The following GLDC variants were observed in gnomAD, a reference collection of about 807,000 sequenced individuals.
GLDC encodes glycine dehydrogenase (decarboxylating), mitochondrial.
A neutral mutation model predicts 121.3 loss-of-function variants in GLDC; 104 were observed. The observed-to-expected ratio is 0.86, with a 90% confidence interval of 0.73 to 1.01. GLDC has a LOEUF of 1.01. Among genes scored for constraint, GLDC ranks in the 50% least tolerant of loss-of-function variants. GLDC has a pLI of 0.00. For synonymous variants in GLDC, 546 were observed against 480.6 expected (o/e 1.14, Z -1.78); for missense variants, 1,429 against 1,306.6 (o/e 1.09, Z -1.44).
chr9:6,615,322 G>A (rs1441240567), intron 3 of GLDC, among the ~76,000 whole-genome samples: 2 of 151,972 alleles, frequency 1.3e-5, no homozygotes, highest in Non-Finnish European at 2.9e-5. Flanking sequence ...GCCAGGTGTG[G>A]TGGCTCACAC....
intron 21 of GLDC, among the ~76,000 whole-genome samples, chr9:6,549,884 C>T (rs1433181454): frequency 6.6e-6 from 1 of 152,128 alleles, no homozygotes; most frequent in Non-Finnish European, 1.5e-5. Flanking sequence ...CCCTACCCTC[C>T]CCTGCTCAAA....
At chr9:6,622,016 G>A (rs928891610) in intron 2 of GLDC, among the ~76,000 whole-genome samples, 9 of 152,208 alleles carry the variant, frequency 5.9e-5, no homozygotes, top group African/African-American at 1.9e-4. Context: ...AGAGAAAAAC[G>A]TAGGTAAAGC....
At chr9:6,611,764 T>C (rs1046884632) in intron 3 of GLDC, among the ~76,000 whole-genome samples, 7 of 152,224 alleles carry the variant, frequency 4.6e-5, no homozygotes, top group African/African-American at 1.7e-4. Flanking sequence ...TCGTATATCT[T>C]GTGCCTGTCT....
intron 18 of GLDC, 122 bp downstream of exon 18, chr9:6,556,031 T>G: frequency 1.4e-6 from 1 of 718,900 alleles, no homozygotes; most frequent in Admixed American, 2.3e-5. Flanking sequence ...CAACCACCAG[T>G]GGTCAGGTCG....
At chr9:6,632,972 G>A (rs945730950) in intron 2 of GLDC, among the ~76,000 whole-genome samples, 3 of 151,708 alleles carry the variant, frequency 2.0e-5, no homozygotes, top group Non-Finnish European at 2.9e-5. Flanking sequence ...GATGCTCTCA[G>A]CAGACCCTCC....
At chr9:6,630,701 G>A (rs1001099841) in intron 2 of GLDC, among the ~76,000 whole-genome samples, 2 of 152,200 alleles carry the variant, frequency 1.3e-5, no homozygotes, top group Admixed American at 6.5e-5. Context: ...GAACCATGGG[G>A]TGGGGCTGGG....
chr9:6,620,994 C>T (rs536427424), intron 2 of GLDC, among the ~76,000 whole-genome samples: 1 of 152,058 alleles, frequency 6.6e-6, no homozygotes, highest in Admixed American at 6.6e-5. Context: ...GCGGTGAAAC[C>T]CCGTCTCTAC....
intron 18 of GLDC, 51 bp downstream of exon 18, chr9:6,556,102 A>C: frequency 6.7e-7 from 1 of 1,502,172 alleles, no homozygotes. Context: ...TTTTTTTTCC[A>C]CATATCCATT....
rs751362463 is a variant in GLDC, at chr9:6,589,205, C to T, written c.1570G>A (p.Val524Met). Residue 524 changes from valine to methionine, a missense_variant, in exon 12 of 25, where the codon GTG becomes ATG. Val to Met is a conservative substitution (Grantham distance 21). Coordinates refer to ENST00000321612, the MANE Select transcript of GLDC (RefSeq NM_000170.3). The part of the protein sequence containing the change: ...KRTSPFLTHQ[V>M]FNSYHSETNI... Reference sequence around the variant, plus strand: ...ACAAGACACACAAACCTGTTGAACACTTGATGGGTGAGGAACGGGCTGGTC... The same window carrying T: ...ACAAGACACACAAACCTGTTGAACATTTGATGGGTGAGGAACGGGCTGGTC... 2.5e-6 allele frequency: 4 copies of T among 1,593,340 alleles called. No homozygotes were observed. Among genetic ancestry groups the T allele is most frequent in the Non-Finnish European group, 3.4e-6 (4 of 1,161,090 alleles).
intron 2 of GLDC, among the ~76,000 whole-genome samples, chr9:6,620,713 T>A (rs1426394650): frequency 6.6e-6 from 1 of 152,222 alleles, no homozygotes; most frequent in Admixed American, 6.5e-5. Context: ...AACTGCCTCA[T>A]ACTCTCTGGA....
rs1819707774 is a variant in GLDC at position 6,644,873 on chromosome 9, G to T, written c.256-181C>A. On this transcript the variant is annotated intron_variant, in intron 1 of 24. Coordinates refer to ENST00000321612, the MANE Select transcript of GLDC (RefSeq NM_000170.3). Reference sequence around the variant, plus strand: ...TTGGAGGAAAGAAAATCGTGAAGTGGGGTGGAGATTCCGCCACTCGGGGTT... The same window carrying T: ...TTGGAGGAAAGAAAATCGTGAAGTGTGGTGGAGATTCCGCCACTCGGGGTT... 7 of 647,368 alleles carry T rather than the reference G, an allele frequency of 1.1e-5. No homozygotes were observed. In the Middle Eastern group the frequency reaches 1.2e-3, roughly 113 times the overall value. The allele number at this position is 647,368 out of a possible 1,614,324, so 40.1% of individuals were successfully genotyped here.
intron 8 of GLDC, among the ~76,000 whole-genome samples, chr9:6,601,521 AT>A (rs143542868): frequency 0.023 from 3,562 of 152,132 alleles, 136 homozygotes; most frequent in African/African-American, 0.081. Flanking sequence ...AATGCTTTTT[AT>A]TTTTTTTAGT....
chr9:6,598,407 A>T (rs1043881282), intron 8 of GLDC, among the ~76,000 whole-genome samples: 3 of 152,198 alleles, frequency 2.0e-5, no homozygotes, highest in African/African-American at 7.2e-5. Context: ...AAATTTATTT[A>T]AAAAAGAATC....
rs1817120329 is a variant in GLDC, at chr9:6,536,080, C to G, written c.2822G>C (p.Arg941Thr). Residue 941 changes from arginine to threonine, a missense_variant, in exon 23 of 25, where the codon AGG (arginine) becomes ACG (threonine). Coordinates refer to ENST00000321612, the MANE Select transcript of GLDC (RefSeq NM_000170.3). The part of the protein sequence containing the change: ...ADIEEGRIDP[R>T]VNPLKMSPHS... Reference sequence around the variant, plus strand: ...CCTACGCACCTTCAGCGGATTGACCCTGGGGTCGATGCGGCCCTCCTCAAT... The same window carrying G: ...CCTACGCACCTTCAGCGGATTGACCGTGGGGTCGATGCGGCCCTCCTCAAT... 6 of 1,613,794 alleles carry G rather than the reference C, an allele frequency of 3.7e-6. No homozygotes were observed. Among genetic ancestry groups the G allele is most frequent in the Admixed American group, 1.7e-5 (1 of 60,018 alleles).
At chr9:6,579,371 ATCT>A (rs1818131545) in intron 15 of GLDC, among the ~76,000 whole-genome samples, 1 of 152,078 alleles carries the variant, frequency 6.6e-6, no homozygotes, top group Non-Finnish European at 1.5e-5. Flanking sequence ...CAAATGCTGA[ATCT>A]TCTGAATCTG....
chr9:6,575,973 G>C (rs1295040539), intron 15 of GLDC, among the ~76,000 whole-genome samples: 2 of 152,154 alleles, frequency 1.3e-5, no homozygotes, highest in Admixed American at 1.3e-4. Context: ...GGGGTTTATG[G>C]GTAGAACAAA....
intron 9 of GLDC, among the ~76,000 whole-genome samples, chr9:6,593,892 C>T: frequency 6.6e-6 from 1 of 151,836 alleles, no homozygotes; most frequent in East Asian, 1.9e-4. Flanking sequence ...AGGGTTTCAC[C>T]ATGTTGGCCA....
intron 5 of GLDC, chr9:6,605,479 G>A: frequency 1.6e-6 from 1 of 632,938 alleles, no homozygotes; most frequent in Non-Finnish European, 2.9e-6. Context: ...CTCTGCTTCT[G>A]TTCCTCTCTT....
At chr9:6,581,304 CCATA>C (rs1818167013) in intron 15 of GLDC, among the ~76,000 whole-genome samples, 1 of 152,188 alleles carries the variant, frequency 6.6e-6, no homozygotes, top group South Asian at 2.1e-4. Flanking sequence ...CTCTAGGATC[CCATA>C]CAGTGATGGT....
Sources: allele counts gnomAD v4.1 joint callset (sites outside exome capture counted in the v4.1 genomes callset), GRCh38; gene constraint gnomAD v4.1.1; transcripts MANE v1.5; gene names NCBI Gene and HGNC (gene_info 2026-07-23, HGNC 2026-07-21).